The following TEAD1 variants were observed in gnomAD, a reference collection of about 807,000 sequenced individuals.
The protein encoded by TEAD1 is transcriptional enhancer factor TEF-1.
A neutral mutation model predicts 54.9 loss-of-function variants in TEAD1; 9 were observed. That is an observed-to-expected ratio of 0.16 (90% CI 0.10 to 0.29). The LOEUF (loss-of-function observed/expected upper bound fraction) is 0.29. Ranked by LOEUF, TEAD1 falls within the 10% of genes least tolerant of loss-of-function variation. The pLI is 1.00. For missense variants in TEAD1, 387 were observed against 535.9 expected (o/e 0.72, Z 2.74); for synonymous variants, 200 against 187.8 (o/e 1.07, Z -0.53).
chr11:12,881,107 G>C, intron 7 of TEAD1, 56 bp downstream of exon 7: 2 of 1,587,256 alleles, frequency 1.3e-6, no homozygotes, highest in East Asian at 2.2e-5. Flanking sequence ...AGCCCACGTG[G>C]GGAGAGCTCT....
At chr11:12,789,286 G>A (rs1030071879) in intron 3 of TEAD1, among the ~76,000 whole-genome samples, 16 of 152,214 alleles carry the variant, frequency 1.1e-4, no homozygotes, top group African/African-American at 3.6e-4. Context: ...TGGTTCCTGA[G>A]ACAGTACCTG....
chr11:12,765,549 C>T (rs1451716420), intron 3 of TEAD1, among the ~76,000 whole-genome samples: 1 of 151,986 alleles, frequency 6.6e-6, no homozygotes, highest in Non-Finnish European at 1.5e-5. Flanking sequence ...TGTCAGGAGC[C>T]GTAGGAGACT....
chr11:12,909,444 T>TTTG (rs1395972049), intron 10 of TEAD1, among the ~76,000 whole-genome samples: 1 of 150,770 alleles, frequency 6.6e-6, no homozygotes, highest in Non-Finnish European at 1.5e-5. Context: ...AAACACCACG[T>TTTG]GTTTTCACTC....
chr11:12,777,974 A>C (rs58810846), intron 3 of TEAD1, among the ~76,000 whole-genome samples: 2 of 152,186 alleles, frequency 1.3e-5, no homozygotes, highest in Non-Finnish European at 2.9e-5. Flanking sequence ...TGACAGTCAA[A>C]ATAATAATAA....
intron 9 of TEAD1, among the ~76,000 whole-genome samples, chr11:12,883,824 C>G (rs554928500): frequency 6.6e-6 from 1 of 151,968 alleles, no homozygotes; most frequent in Non-Finnish European, 1.5e-5. Context: ...CCATCTTGGC[C>G]AACATGGTGA....
In TEAD1 at chr11:12,726,909, G is replaced by C. The variant is rs549320583; in HGVS notation, c.-54-37270G>C. Among the ~76,000 whole-genome samples, 3 of 152,286 alleles carry C rather than the reference G, an allele frequency of 2.0e-5. 1 individual carries two copies. The South Asian group carries it at 6.2e-4, about 32-fold the overall frequency. ...ATTTTTGGATGTGTTGAGTTAATAA[G>C]TTATTGAAATTAATTTCACCTGTTT... On this transcript the variant is annotated intron_variant, in intron 2 of 12. Coordinates refer to ENST00000527636, the MANE Select transcript of TEAD1 (RefSeq NM_021961.6).
intron 6 of TEAD1, 128 bp from the exon 7 acceptor site, chr11:12,880,877 T>C (rs1947951875): frequency 1.8e-6 from 2 of 1,086,352 alleles, no homozygotes; most frequent in African/African-American, 1.5e-5. Flanking sequence ...GCATTTGCAC[T>C]CTGGGAAAGC....
intron 5 of TEAD1, among the ~76,000 whole-genome samples, chr11:12,872,230 C>A (rs1360873728): frequency 6.6e-6 from 1 of 152,176 alleles, no homozygotes; most frequent in Admixed American, 6.5e-5. Context: ...GGAAGGTAGA[C>A]GTACTTCACT....
At position 12,941,596 on chromosome 11, in the gene TEAD1, C is replaced by T. The variant is rs572312336; in HGVS notation, c.*4374C>T. The stretch of plus-strand genomic sequence containing the variant: ...TGCTCTGGTACACTACCTGAACTAA[C>T]GAAGGGTAGAACTAATTCTGTTTGT... On this transcript the variant is annotated 3_prime_UTR_variant, in exon 13 of 13. Coordinates refer to ENST00000527636, the MANE Select transcript of TEAD1 (RefSeq NM_021961.6). 1.3e-5 allele frequency: 2 copies of T among 152,694 alleles called. No individual in the cohort carries two copies. The highest frequency in any genetic ancestry group is 2.9e-5 in the Non-Finnish European group (2 of 68,022). 9.5% of individuals were successfully genotyped at this position (152,694 alleles called of 1,614,324 possible).
At chr11:12,784,442 G>A (rs1028442456) in intron 3 of TEAD1, among the ~76,000 whole-genome samples, 4 of 152,178 alleles carry the variant, frequency 2.6e-5, no homozygotes, top group African/African-American at 9.7e-5. Flanking sequence ...CCTGGAAGTG[G>A]ATAAGCTTGT....
chr11:12,827,321 T>C (rs1475081663), intron 3 of TEAD1, among the ~76,000 whole-genome samples: 3 of 152,208 alleles, frequency 2.0e-5, no homozygotes, highest in Non-Finnish European at 2.9e-5. Flanking sequence ...ATAGTAAATA[T>C]TCATGAGATA....
At chr11:12,912,827 G>A (rs1463477630) in intron 10 of TEAD1, among the ~76,000 whole-genome samples, 2 of 152,056 alleles carry the variant, frequency 1.3e-5, no homozygotes, top group Non-Finnish European at 2.9e-5. Context: ...CCTTGACCTG[G>A]AGGAATTCAT....
chr11:12,706,640 G>A (rs901646689), intron 2 of TEAD1, among the ~76,000 whole-genome samples: 1 of 152,208 alleles, frequency 6.6e-6, no homozygotes, highest in South Asian at 2.1e-4. Flanking sequence ...GGAGCTCCCA[G>A]GTGCAACCTG....
At chr11:12,845,005 G>A (rs546767689) in intron 3 of TEAD1, among the ~76,000 whole-genome samples, 328 of 119,088 alleles carry the variant, frequency 2.8e-3, no homozygotes, top group South Asian at 0.015. Context: ...CTCGCCTGTC[G>A]CCCAGGCTAA....
intron 12 of TEAD1, among the ~76,000 whole-genome samples, chr11:12,932,958 G>A (rs1949036365): frequency 6.6e-6 from 1 of 152,092 alleles, no homozygotes; most frequent in African/African-American, 2.4e-5. Context: ...CCATTGTGTT[G>A]TAATAGCCTA....
intron 2 of TEAD1, among the ~76,000 whole-genome samples, chr11:12,702,780 GTTAA>G (rs1943730872): frequency 6.6e-6 from 1 of 152,136 alleles, no homozygotes; most frequent in South Asian, 2.1e-4. Context: ...GTCTCAGCAG[GTTAA>G]TTAATTTGCT....
At chr11:12,708,810 T>C (rs1943872022) in intron 2 of TEAD1, among the ~76,000 whole-genome samples, 1 of 152,212 alleles carries the variant, frequency 6.6e-6, no homozygotes, top group South Asian at 2.1e-4. Context: ...TATGGAATGA[T>C]GGTAAAGAAA....
chr11:12,713,958 C>T (rs1943999524), intron 2 of TEAD1, among the ~76,000 whole-genome samples: 1 of 152,204 alleles, frequency 6.6e-6, no homozygotes, highest in African/African-American at 2.4e-5. Context: ...CCTCATGCCT[C>T]ACTTTGATGA....
At position 12,864,818 on chromosome 11, in the gene TEAD1, T is replaced by C. The variant is rs761637306; in HGVS notation, c.268-20T>C. On this transcript the variant is annotated intron_variant, in intron 4 of 12. Coordinates refer to ENST00000527636, the MANE Select transcript of TEAD1 (RefSeq NM_021961.6). ...GTTACAGGCTTTTCCTTTGTTTTCC[T>C]CCCTTCCCCTACCCTGCAGGTGTCT... 2 of 1,613,864 alleles carry C rather than the reference T, an allele frequency of 1.2e-6. No homozygotes were observed. The highest frequency in any genetic ancestry group is 1.7e-6 in the Non-Finnish European group (2 of 1,179,914).
Sources: allele counts gnomAD v4.1 joint callset (sites outside exome capture counted in the v4.1 genomes callset), GRCh38; gene constraint gnomAD v4.1.1; transcripts MANE v1.5; gene names NCBI Gene and HGNC (gene_info 2026-07-23, HGNC 2026-07-21).